Variants in GCM2 observed in about 807,000 individuals in gnomAD.
GCM2 encodes the protein GCM transcription factor 2.
In GCM2, 21 loss-of-function variants were observed where a neutral mutation model predicts 24.8. That is an observed-to-expected ratio of 0.85 (90% CI 0.60 to 1.22). GCM2 has a LOEUF of 1.22. Ranked by LOEUF, GCM2 falls within the 50% of genes most tolerant of loss-of-function variation. GCM2 has a pLI of 0.00. For missense variants in GCM2, 532 were observed against 645.6 expected (o/e 0.82, Z 1.91); for synonymous variants, 222 against 238.0 (o/e 0.93, Z 0.62).
Position 10,881,863 on chromosome 6 carries a change from G to T in GCM2, c.-70C>A. ...GAAGAAAAAAGGACAGGTGCGCCAG[G>T]TGGGTTTTTTTTCTTCTCTTTAAAG... is the stretch of plus-strand genomic sequence containing the variant. On this transcript the variant is annotated 5_prime_UTR_variant, in exon 1 of 5. Transcript: ENST00000379491. 1.6e-6 allele frequency: 2 copies of T among 1,288,310 alleles called. No individual in the cohort carries two copies. The highest frequency in any genetic ancestry group is 2.2e-6 in the Non-Finnish European group (2 of 902,486). 79.8% of individuals were successfully genotyped at this position (1,288,310 alleles called of 1,614,324 possible). A position where few individuals can be genotyped will look rare whatever the true frequency, so the allele number is the denominator to read the frequency against.
intron 4 of GCM2, 79 bp downstream of exon 4, chr6:10,875,812 T>G: frequency 7.2e-7 from 1 of 1,384,178 alleles, no homozygotes; most frequent in Non-Finnish European, 1.0e-6. Flanking sequence ...ACGTATGACC[T>G]TCATATTTTG....
intron 1 of GCM2, among the ~76,000 whole-genome samples, chr6:10,878,788 A>G (rs879304748): frequency 2.0e-5 from 3 of 152,248 alleles, no homozygotes; most frequent in Non-Finnish European, 4.4e-5. Flanking sequence ...TAAATAAGGA[A>G]GTGGAGGTTC....
At chr6:10,878,066 G>A (rs1285077952) in intron 1 of GCM2, among the ~76,000 whole-genome samples, 1 of 152,148 alleles carries the variant, frequency 6.6e-6, no homozygotes, top group Admixed American at 6.5e-5. Flanking sequence ...ACTGCAATGA[G>A]GGACTTAAGC....
In GCM2 at chr6:10,874,014, T is replaced by C; in HGVS notation, c.1502A>G (p.Tyr501Cys). Residue 501 changes from tyrosine to cysteine, a missense_variant, in exon 5 of 5, where the codon TAC becomes TGC. By Grantham distance (194) the Tyr-to-Cys change is radical. Transcript: ENST00000379491. ...TGTCTTTCAAAAATCCTCATTGTTG[T>C]AGGTAAAGAAGGGACCCACTCTGTC... The part of the protein sequence containing the change: ...YSDRVGPFFT[Y>C]NNEDF 5 of 1,613,774 alleles carry C rather than the reference T, an allele frequency of 3.1e-6. No homozygotes were observed. The highest frequency in any genetic ancestry group is 2.2e-5 in the East Asian group (1 of 44,878).
chr6:10,880,125 C>T (rs1779937939), intron 1 of GCM2, among the ~76,000 whole-genome samples: 1 of 152,074 alleles, frequency 6.6e-6, no homozygotes, highest in East Asian at 1.9e-4. Flanking sequence ...CGTGGTGGCG[C>T]ATGCTTGTAG....
intron 1 of GCM2, among the ~76,000 whole-genome samples, chr6:10,881,261 C>T (rs556535846): frequency 6.6e-6 from 1 of 152,218 alleles, no homozygotes; most frequent in South Asian, 2.1e-4. Context: ...CGGGTTCAAG[C>T]GATTCTCCTG....
At chr6:10,877,434 C>T in intron 1 of GCM2, 42 bp from the exon 2 acceptor site, 1 of 1,608,140 alleles carries the variant, frequency 6.2e-7, no homozygotes, top group South Asian at 1.1e-5. Flanking sequence ...CTATCCAGTC[C>T]AAACTGCACA....
intron 2 of GCM2, among the ~76,000 whole-genome samples, chr6:10,876,853 C>T (rs565972347): frequency 3.9e-5 from 6 of 152,262 alleles, no homozygotes; most frequent in South Asian, 2.1e-4. Context: ...CACCTGATGT[C>T]GGGAGTTCAA....
intron 1 of GCM2, among the ~76,000 whole-genome samples, chr6:10,880,116 G>A (rs915314180): frequency 1.3e-5 from 2 of 152,132 alleles, no homozygotes; most frequent in Non-Finnish European, 2.9e-5. Flanking sequence ...TTAGCTGGGC[G>A]TGGTGGCGCA....
rs6906344 is a variant in GCM2, at chr6:10,875,029, C to T, written c.583-96G>A. On this transcript the variant is annotated intron_variant, in intron 4 of 4. Transcript: ENST00000379491. ...CTAGAAGTAAGTAAAAACAGACATCCATGTGCTGGGCTCTGTGTTGTGAAC... is the reference window on the plus strand; with the variant it reads ...CTAGAAGTAAGTAAAAACAGACATCTATGTGCTGGGCTCTGTGTTGTGAAC... 5.5e-3 allele frequency: 4,799 copies of T among 877,278 alleles called. 155 individuals are homozygous for T. The African/African-American group carries it at 0.068, about 13-fold the overall frequency. The allele number at this position is 877,278 out of a possible 1,614,324, so 54.3% of individuals were successfully genotyped here.
At chr6:10,878,350 ACT>A (rs972147772) in intron 1 of GCM2, among the ~76,000 whole-genome samples, 5 of 151,764 alleles carry the variant, frequency 3.3e-5, no homozygotes, top group Admixed American at 3.3e-4. Context: ...ATGGAATCTC[ACT>A]CTGTCACCCA....
intron 1 of GCM2, among the ~76,000 whole-genome samples, chr6:10,881,428 G>C (rs1779955801): frequency 6.6e-6 from 1 of 152,112 alleles, no homozygotes; most frequent in Non-Finnish European, 1.5e-5. Context: ...AAAGTGCTGG[G>C]ATTACAGGTA....
intron 4 of GCM2, among the ~76,000 whole-genome samples, chr6:10,875,298 C>T (rs1779862056): frequency 6.6e-6 from 1 of 152,190 alleles, no homozygotes; most frequent in African/African-American, 2.4e-5. Context: ...GCCACTTAAC[C>T]TCTCTGAGCC....
At chr6:10,881,608 A>T in intron 1 of GCM2, 96 bp downstream of exon 1, 7 of 524,706 alleles carry the variant, frequency 1.3e-5, no homozygotes, top group Middle Eastern at 4.7e-4. Context: ...GTGTGTGTGT[A>T]TGGTCCGTCC....
At position 10,877,135 on chromosome 6, in the gene GCM2, C is replaced by T; in HGVS notation, c.343+5G>A. On this transcript the variant is annotated splice_donor_5th_base_variant and intron_variant, in intron 2 of 4. Transcript: ENST00000379491. ...GTCACCCTCTCCCTGGCCCCATGTCCTCACTCTGCTGTTTCAGCCGTGCCT... is the reference window on the plus strand; with the variant it reads ...GTCACCCTCTCCCTGGCCCCATGTCTTCACTCTGCTGTTTCAGCCGTGCCT... The T allele has an allele frequency of 6.2e-7, 1 of 1,610,990 alleles. No individual in the cohort carries two copies. Among genetic ancestry groups the T allele is most frequent in the Non-Finnish European group, 8.5e-7 (1 of 1,179,956 alleles).
chr6:10,873,945 C>T lies in GCM2; in HGVS notation c.*50G>A, dbSNP rs746217594. ...AGAGATCATTGCCATTTCACATTTC[C>T]CTGCCTCCTGCCTGCATGCACACTG... On this transcript the variant is annotated 3_prime_UTR_variant, in exon 5 of 5. Coordinates refer to ENST00000379491, the MANE Select transcript of GCM2 (RefSeq NM_004752.4). 145 of 1,383,036 alleles carry T rather than the reference C, an allele frequency of 1.0e-4. No homozygotes were observed. Among genetic ancestry groups the T allele is most frequent in the Non-Finnish European group, 1.3e-4 (128 of 971,338 alleles). 85.7% of individuals were successfully genotyped at this position (1,383,036 alleles called of 1,614,324 possible).
intron 3 of GCM2, 137 bp downstream of exon 3, chr6:10,876,308 G>C: frequency 1.4e-6 from 1 of 732,828 alleles, no homozygotes; most frequent in South Asian, 1.5e-5. Context: ...AGGTCCCTGG[G>C]GAGCTCCAGC....
chr6:10,881,551 GGTATGTGTGTGTGTGT>G (rs878976957), intron 1 of GCM2, among the ~76,000 whole-genome samples, 137 bp downstream of exon 1: 3,654 of 128,226 alleles, frequency 0.028, 62 homozygotes, highest in Non-Finnish European at 0.03. Flanking sequence ...AAATTTTGCG[GGTATGTGTGTGTGTGT>G]GTGTGTGTGT....
At chr6:10,876,281 A>G (rs979295887) in intron 3 of GCM2, among the ~76,000 whole-genome samples, 164 bp downstream of exon 3, 2 of 152,176 alleles carry the variant, frequency 1.3e-5, no homozygotes, top group African/African-American at 4.8e-5. Flanking sequence ...TAGTGAGTGA[A>G]TTTCTAGGCT....
Sources: gnomAD v4.1 joint callset for allele counts (sites outside exome capture counted in the v4.1 genomes callset) on GRCh38, gnomAD v4.1.1 for gene constraint, MANE v1.5 for transcripts, NCBI Gene and HGNC (gene_info 2026-07-23, HGNC 2026-07-21) for gene names.